The following CGGBP1 variants were observed in gnomAD, a reference collection of about 807,000 sequenced individuals.
CGGBP1 encodes CGG triplet repeat binding protein 1, also known as CGG triplet repeat-binding protein 1.
Under a neutral mutation model 11.4 loss-of-function variants are expected in CGGBP1, and 4 were observed. The observed-to-expected ratio is 0.35, with a 90% CI of 0.17 to 0.80. The LOEUF is 0.80. CGGBP1 is among the 30% of genes least tolerant of loss of function. The pLI is 0.52. For missense variants in CGGBP1, 135 were observed against 202.1 expected (o/e 0.67, Z 2.01); for synonymous variants, 76 against 74.1 (o/e 1.03, Z -0.13).
intron 2 of CGGBP1, among the ~76,000 whole-genome samples, chr3:88,068,826 A>G (rs1707343966): frequency 6.6e-6 from 1 of 152,152 alleles, no homozygotes; most frequent in African/African-American, 2.4e-5. Context: ...TCCTGTACCT[A>G]GTATGTGATA....
chr3:88,147,369 A>G (rs1446233321), intron 1 of CGGBP1, among the ~76,000 whole-genome samples: 1 of 152,236 alleles, frequency 6.6e-6, no homozygotes, highest in Non-Finnish European at 1.5e-5. Flanking sequence ...ACAGCCATTC[A>G]GATATCCAAG....
intron 2 of CGGBP1, among the ~76,000 whole-genome samples, chr3:88,065,748 G>T (rs889251275): frequency 2.0e-5 from 3 of 151,632 alleles, no homozygotes; most frequent in Non-Finnish European, 2.9e-5. Context: ...TTGAGACAGG[G>T]TCTGGCTGGC....
At chr3:88,057,994 T>A (rs1215575839) in intron 2 of CGGBP1, 25 bp downstream of exon 2, 2 of 152,236 alleles carry the variant, frequency 1.3e-5, no homozygotes, top group Admixed American at 1.3e-4. Context: ...AAACTCATCA[T>A]AAGTTTTCAA....
At chr3:88,059,122 GA>G, upstream of CGGBP1, 1 of 1,030,886 alleles carries the variant, frequency 9.7e-7, no homozygotes. Flanking sequence ...GCATGAACAT[GA>G]TTGGCAGCTT....
chr3:88,125,542 A>T (rs567343819), intron 2 of CGGBP1, among the ~76,000 whole-genome samples: 2 of 152,268 alleles, frequency 1.3e-5, no homozygotes, highest in East Asian at 3.9e-4. Context: ...TTACTTATTT[A>T]TAGATTTATT....
chr3:88,128,581 A>C (rs1414439235), intron 2 of CGGBP1, among the ~76,000 whole-genome samples: 2 of 152,124 alleles, frequency 1.3e-5, no homozygotes, highest in Non-Finnish European at 2.9e-5. Flanking sequence ...TACTTTTTAG[A>C]CTAAGAAATC....
chr3:88,064,045 A>G (rs928061235), upstream of CGGBP1, among the ~76,000 whole-genome samples: 3 of 151,590 alleles, frequency 2.0e-5, no homozygotes, highest in Non-Finnish European at 4.4e-5. Context: ...TGATCAACAC[A>G]TGCCTATGAT....
intron 2 of CGGBP1, among the ~76,000 whole-genome samples, chr3:88,091,842 G>A (rs1708648295): frequency 6.6e-6 from 1 of 152,048 alleles, no homozygotes; most frequent in African/African-American, 2.4e-5. Flanking sequence ...TGATTGTGAG[G>A]CCTCCTCAGC....
rs114905975 is a variant in CGGBP1 at position 88,055,465 on chromosome 3, C to A, written c.*8G>T. 78 of 1,512,126 alleles carry A rather than the reference C, an allele frequency of 5.2e-5. No homozygotes were observed. The highest frequency in any genetic ancestry group is 6.7e-5 in the Non-Finnish European group (76 of 1,129,798). The allele number at this position is 1,512,126 out of a possible 1,614,324, so 93.7% of individuals were successfully genotyped here. A position where few individuals can be genotyped will look rare whatever the true frequency, so the allele number is the denominator to read the frequency against. On this transcript the variant is annotated 3_prime_UTR_variant, in exon 4 of 4. Coordinates refer to ENST00000482016, the MANE Select transcript of CGGBP1 (RefSeq NM_001008390.2). The surrounding 1 kb of genome is among the most constrained non-coding windows in gnomAD (Gnocchi z 4.2). ...TTTATCTTGATCACAATGGTGGTAA[C>A]CTCCTAGTCAACAATCTTGTGAGTT... is the stretch of plus-strand genomic sequence containing the variant.
intron 2 of CGGBP1, 117 bp from the exon 3 acceptor site, chr3:88,057,409 G>A (rs1401131474): frequency 2.0e-5 from 3 of 151,440 alleles, no homozygotes; most frequent in African/African-American, 7.3e-5. Context: ...GGTTTGCAAC[G>A]GCAGAGAAGA....
At chr3:88,080,308 A>C (rs1172211963) in intron 2 of CGGBP1, among the ~76,000 whole-genome samples, 1 of 152,114 alleles carries the variant, frequency 6.6e-6, no homozygotes, top group African/African-American at 2.4e-5. Flanking sequence ...TGATGTAATG[A>C]AATTGTCACT....
intron 2 of CGGBP1, among the ~76,000 whole-genome samples, chr3:88,092,377 C>T (rs1703794087): frequency 1.3e-5 from 2 of 152,146 alleles, no homozygotes; most frequent in South Asian, 4.2e-4. Flanking sequence ...ATTAAACAAG[C>T]AGTTATACTT....
intron 2 of CGGBP1, among the ~76,000 whole-genome samples, chr3:88,087,535 A>G (rs949675784): frequency 4.6e-5 from 7 of 152,252 alleles, no homozygotes; most frequent in Non-Finnish European, 1.0e-4. Context: ...AAAGATTATC[A>G]GTGAATGAAC....
intron 2 of CGGBP1, chr3:88,095,604 A>T (rs1704012091): frequency 1.9e-6 from 1 of 520,420 alleles, no homozygotes; most frequent in African/African-American, 1.9e-5. Context: ...TGCCCCAATG[A>T]TCTTTTCTGG....
intron 1 of CGGBP1, chr3:88,141,748 T>A: frequency 1.0e-6 from 1 of 974,790 alleles, no homozygotes; most frequent in Non-Finnish European, 1.5e-6. Context: ...CTGATGGCCT[T>A]AATTTTAGAG....
intron 2 of CGGBP1, chr3:88,095,368 T>C (rs1370944402): frequency 3.5e-6 from 1 of 284,140 alleles, no homozygotes; most frequent in Non-Finnish European, 6.7e-6. Context: ...GGAATGTGAA[T>C]GTATTATGTA....
intron 2 of CGGBP1, chr3:88,095,861 C>A: frequency 2.2e-6 from 1 of 454,318 alleles, no homozygotes; most frequent in Non-Finnish European, 4.2e-6. Context: ...TCCACTTCAG[C>A]AGATACTCCA....
intron 1 of CGGBP1, among the ~76,000 whole-genome samples, chr3:88,149,016 T>C (rs1381675158): frequency 6.6e-6 from 1 of 152,180 alleles, no homozygotes; most frequent in African/African-American, 2.4e-5. Flanking sequence ...TAAATGGCAA[T>C]ACCCCAATTA....
intron 1 of CGGBP1, among the ~76,000 whole-genome samples, chr3:88,145,395 T>C (rs1707293484): frequency 6.6e-6 from 1 of 152,152 alleles, no homozygotes. Context: ...AGAGTGTTAT[T>C]GAAACATTCT....
Sources: gnomAD v4.1 joint callset for allele counts (sites outside exome capture counted in the v4.1 genomes callset) on GRCh38, gnomAD v4.1.1 for gene constraint, Gnocchi (gnomAD v3.1) non-coding constraint, MANE v1.5 for transcripts, NCBI Gene and HGNC (gene_info 2026-07-23, HGNC 2026-07-21) for gene names.